Variants in SETD5 observed in about 807,000 individuals in gnomAD.
SETD5 encodes the protein SET domain containing 5.
A neutral mutation model predicts 153.3 loss-of-function variants in SETD5; 44 were observed. The ratio of observed to expected loss-of-function variants is 0.29; its 90% CI spans 0.23 to 0.37. The LOEUF (loss-of-function observed/expected upper bound fraction) is 0.37. Among genes scored for constraint, SETD5 ranks in the 10% least tolerant of loss-of-function variants. The probability of loss-of-function intolerance (pLI) is 1.00; values close to 1 mark genes in which losing one functional copy is unlikely to be tolerated. For synonymous variants in SETD5, 716 were observed against 645.2 expected, an observed-to-expected ratio of 1.11 and a Z score of -1.66; for missense variants, 1,544 against 1,768.0, an observed-to-expected ratio of 0.87 and a Z score of 2.27.
At chr3:9,454,561 A>G (rs997153582) in intron 17 of SETD5, among the ~76,000 whole-genome samples, 2 of 138,170 alleles carry the variant, frequency 1.4e-5, no homozygotes, top group South Asian at 4.9e-4. Flanking sequence ...GGTGGAGGTT[A>G]CAGTGAGCCA....
chr3:9,440,655 C>T lies in SETD5; in HGVS notation c.767C>T (p.Thr256Ile), dbSNP rs1161428951. Residue 256 changes from threonine to isoleucine, a missense_variant, in exon 8 of 23, where the codon ACT becomes ATT. Physicochemically the swap from Thr to Ile is moderately conservative, Grantham distance 89. Transcript: ENST00000402198. ...KPTILDTINK[T>I]ELACNNTVIG... is the part of the protein sequence containing the mutation. The stretch of plus-strand genomic sequence containing the variant: ...ACTATTTTAGACACTATTAATAAGA[C>T]TGAATTGGCCTGTAATAACACAGTT... 1 of 1,613,550 alleles carries T rather than the reference C, an allele frequency of 6.2e-7. No homozygotes were observed. The highest frequency in any genetic ancestry group is 8.5e-7 in the Non-Finnish European group (1 of 1,179,744).
chr3:9,468,522 A>G, intron 18 of SETD5: 2 of 1,304,192 alleles, frequency 1.5e-6, no homozygotes, highest in Non-Finnish European at 2.0e-6. Context: ...CCTCTAGAAC[A>G]TATCCTCCCC....
chr3:9,428,589 C>G (rs1323329372), intron 2 of SETD5, among the ~76,000 whole-genome samples: 1 of 152,186 alleles, frequency 6.6e-6, no homozygotes, highest in Non-Finnish European at 1.5e-5. Flanking sequence ...CTTCCTTTCC[C>G]TTCAACTGAA....
intron 1 of SETD5, among the ~76,000 whole-genome samples, chr3:9,413,534 C>A (rs1327981213): frequency 1.3e-5 from 2 of 151,888 alleles, no homozygotes; most frequent in African/African-American, 2.4e-5. Flanking sequence ...CCTAGAATTG[C>A]CATGGGCCTT....
chr3:9,447,840 C>A lies in SETD5; in HGVS notation c.1937C>A (p.Ala646Asp), dbSNP rs772079986. The change falls in exon 15 of 23, where the codon GCT becomes GAT. Residue 646 changes from alanine (A) to aspartate (D), a missense_variant. This residue lies in a region of SETD5 where 782 missense variants were observed against 787.2 expected (regional missense o/e 0.99). Transcript: ENST00000402198. ...ANAQQAELSQ[A>D]ALEEGGSNSL... Reference sequence around the variant, plus strand: ...GCACAGCAGGCAGAATTGTCACAAGCTGCCTTGGAAGAGGGAGGAAGTAAC... The same window carrying A: ...GCACAGCAGGCAGAATTGTCACAAGATGCCTTGGAAGAGGGAGGAAGTAAC... 1 of 1,614,040 alleles carries A rather than the reference C, an allele frequency of 6.2e-7. No homozygotes were observed.
intron 19 of SETD5, among the ~76,000 whole-genome samples, 162 bp downstream of exon 19, chr3:9,471,091 G>A (rs1030449787): frequency 2.0e-5 from 3 of 152,182 alleles, no homozygotes; most frequent in Non-Finnish European, 4.4e-5. Context: ...GTACAACTTG[G>A]TGAATGTTGT....
intron 3 of SETD5, chr3:9,430,113 C>T (rs1424093092): frequency 9.7e-7 from 1 of 1,026,850 alleles, no homozygotes; most frequent in Non-Finnish European, 1.2e-6. Flanking sequence ...GGGATTCTTC[C>T]CCCTTCAGCA....
At chr3:9,472,699 C>G (rs564962957) in intron 19 of SETD5, among the ~76,000 whole-genome samples, 1 of 151,336 alleles carries the variant, frequency 6.6e-6, no homozygotes, top group Admixed American at 6.6e-5. Context: ...TCTCTCTCTC[C>G]CTCTCTCTCT....
intron 22 of SETD5, 105 bp from the exon 23 acceptor site, chr3:9,475,378 A>G: frequency 2.0e-6 from 3 of 1,469,872 alleles, no homozygotes; most frequent in Admixed American, 4.8e-5. Flanking sequence ...AAAAGAATAC[A>G]TGGTTAAAAG....
chr3:9,456,430 G>A (rs368102799), intron 17 of SETD5, among the ~76,000 whole-genome samples: 10 of 148,024 alleles, frequency 6.8e-5, no homozygotes, highest in African/African-American at 1.8e-4. Flanking sequence ...ACGAGATTGC[G>A]CCACTCCACT....
chr3:9,432,734 T>G (rs1018105120), intron 3 of SETD5, among the ~76,000 whole-genome samples: 2 of 152,210 alleles, frequency 1.3e-5, no homozygotes, highest in East Asian at 3.8e-4. Context: ...CTTTTTATTG[T>G]AAAGGCTTAT....
intron 1 of SETD5, among the ~76,000 whole-genome samples, chr3:9,409,466 G>A (rs2036222980): frequency 6.6e-6 from 1 of 152,032 alleles, no homozygotes; most frequent in Non-Finnish European, 1.5e-5. Flanking sequence ...TACTATTTTT[G>A]ACATTCAGGT....
rs140872590 is a variant in SETD5, at chr3:9,406,431, C to A, written c.-177+8454C>A. ...TTATGCCCACAGCCTGAAATATATTCGGTGGAATGCCTTAAAAAAGAATAA... is the reference window on the plus strand; with the variant it reads ...TTATGCCCACAGCCTGAAATATATTAGGTGGAATGCCTTAAAAAAGAATAA... On this transcript the variant is annotated intron_variant, in intron 1 of 22. Coordinates refer to ENST00000402198, the MANE Select transcript of SETD5 (RefSeq NM_001080517.3). 1.4e-3 allele frequency among the ~76,000 whole-genome samples: 207 copies of A among 150,432 alleles called. 7 individuals are homozygous for A. In the East Asian group the frequency reaches 0.025, roughly 18 times the overall value.
At chr3:9,426,125 C>T (rs1253452893) in intron 2 of SETD5, 1 of 145,602 alleles carries the variant, frequency 6.9e-6, no homozygotes, top group African/African-American at 2.5e-5. Context: ...AGAAGATGTA[C>T]TGCCAAGGTC....
intron 2 of SETD5, among the ~76,000 whole-genome samples, chr3:9,425,055 C>CTTTTTTTTTTTTTTTTTTT (rs778883904): frequency 7.2e-5 from 6 of 83,680 alleles, no homozygotes; most frequent in African/African-American, 2.9e-4. Flanking sequence ...GACAATGTTT[C>CTTTTTTTTTTTTTTTTTTT]TTTTTTTTTT....
intron 16 of SETD5, among the ~76,000 whole-genome samples, chr3:9,450,014 T>C (rs1214227806): frequency 6.6e-6 from 1 of 152,204 alleles, no homozygotes; most frequent in Non-Finnish European, 1.5e-5. Context: ...TGAACTAGGC[T>C]CTTGAATTGA....
intron 1 of SETD5, among the ~76,000 whole-genome samples, chr3:9,403,834 A>G (rs556232841): frequency 1.3e-5 from 2 of 152,194 alleles, no homozygotes; most frequent in African/African-American, 2.4e-5. Flanking sequence ...TTGGGTCCCT[A>G]TTGAAGTTTT....
chr3:9,448,502 C>T lies in SETD5; in HGVS notation c.2218C>T (p.Pro740Ser), dbSNP rs1045110523. Residue 740 changes from proline (P) to serine (S), a missense_variant, in exon 16 of 23, where the codon CCA (proline) becomes TCA (serine). By Grantham distance (74) the Pro-to-Ser change is moderately conservative. Coordinates refer to ENST00000402198, the MANE Select transcript of SETD5 (RefSeq NM_001080517.3). ...ACTGGCAACGACCCTAAACATGTTACCAGGTCTTATCCATTCCCCGTTAAT... is the reference window on the plus strand; with the variant it reads ...ACTGGCAACGACCCTAAACATGTTATCAGGTCTTATCCATTCCCCGTTAAT... Reference protein sequence around the residue: ...TVLATTLNMLPGLIHSPLICT... With the variant: ...TVLATTLNMLSGLIHSPLICT... 9 of 1,613,960 alleles carry T rather than the reference C, an allele frequency of 5.6e-6. No homozygotes were observed. The highest frequency in any genetic ancestry group is 7.6e-6 in the Non-Finnish European group (9 of 1,179,892).
intron 17 of SETD5, among the ~76,000 whole-genome samples, chr3:9,461,775 C>T (rs1575557461): frequency 6.6e-6 from 1 of 152,316 alleles, no homozygotes; most frequent in Middle Eastern, 3.4e-3. Flanking sequence ...CTAACTTCAT[C>T]ACTTAACATA....
Sources: allele counts gnomAD v4.1 joint callset (sites outside exome capture counted in the v4.1 genomes callset), GRCh38; gene constraint gnomAD v4.1.1; regional missense constraint gnomAD v4.1.1; transcripts MANE v1.5; gene names NCBI Gene and HGNC (gene_info 2026-07-23, HGNC 2026-07-21).